The following SPAG16 variants were observed in gnomAD, a reference collection of about 807,000 sequenced individuals.
SPAG16 encodes sperm-associated antigen 16 protein.
A neutral mutation model predicts 80.4 loss-of-function variants in SPAG16; 86 were observed. That is an observed-to-expected ratio of 1.07 (90% CI 0.90 to 1.28). The LOEUF (loss-of-function observed/expected upper bound fraction) is 1.28, where lower values mean the gene tolerates loss of function less well. Among genes scored for constraint, SPAG16 ranks in the 50% most tolerant of loss-of-function variants. The pLI, the probability that SPAG16 is intolerant of heterozygous loss-of-function variation, is 0.00. For missense variants in SPAG16, 870 were observed against 765.3 expected (o/e 1.14, Z -1.61); for synonymous variants, 294 against 265.9 (o/e 1.11, Z -1.03).
chr2:213,711,863 A>G (rs2066007705), intron 10 of SPAG16, among the ~76,000 whole-genome samples: 1 of 152,162 alleles, frequency 6.6e-6, no homozygotes, highest in South Asian at 2.1e-4. Context: ...GTAGACATCT[A>G]ACACTATGTA....
chr2:213,445,608 G>A (rs989052128), intron 9 of SPAG16, among the ~76,000 whole-genome samples: 2 of 152,156 alleles, frequency 1.3e-5, no homozygotes, highest in Non-Finnish European at 2.9e-5. Context: ...GGAGGTTGCG[G>A]TGAGCCAAAA....
chr2:213,950,722 T>C (rs1236499024), intron 12 of SPAG16, among the ~76,000 whole-genome samples: 27 of 131,970 alleles, frequency 2.0e-4, no homozygotes, highest in Non-Finnish European at 3.3e-4. Flanking sequence ...TTTTTTTTTT[T>C]TCCCTCAAGA....
chr2:213,306,152 T>G (rs1483216545), intron 3 of SPAG16, among the ~76,000 whole-genome samples: 1 of 151,902 alleles, frequency 6.6e-6, no homozygotes, highest in African/African-American at 2.4e-5. Context: ...CCTCCAATGA[T>G]CCTTTAAAAT....
intron 15 of SPAG16, among the ~76,000 whole-genome samples, chr2:214,312,146 G>A (rs370075199): frequency 6.6e-6 from 1 of 152,106 alleles, no homozygotes; most frequent in Admixed American, 6.6e-5. Context: ...GAAAATGATC[G>A]TGTTTAATGA....
At chr2:213,935,540 A>G (rs1004612644) in intron 12 of SPAG16, among the ~76,000 whole-genome samples, 1 of 152,196 alleles carries the variant, frequency 6.6e-6, no homozygotes, top group African/African-American at 2.4e-5. Context: ...ATAGCAACAT[A>G]TGCAAGTTAG....
chr2:213,673,320 A>G (rs1054315829), intron 10 of SPAG16, among the ~76,000 whole-genome samples: 2 of 152,192 alleles, frequency 1.3e-5, no homozygotes, highest in Non-Finnish European at 1.5e-5. Flanking sequence ...TTTTTAGGCT[A>G]ATCAAACATA....
At chr2:213,742,676 C>T (rs1489291632) in intron 10 of SPAG16, among the ~76,000 whole-genome samples, 3 of 150,940 alleles carry the variant, frequency 2.0e-5, no homozygotes, top group Non-Finnish European at 4.4e-5. Flanking sequence ...CTCAGCTTCT[C>T]GAGTAGCTGG....
intron 9 of SPAG16, among the ~76,000 whole-genome samples, chr2:213,467,700 G>A (rs1257834702): frequency 6.6e-6 from 1 of 152,186 alleles, no homozygotes; most frequent in Admixed American, 6.5e-5. Flanking sequence ...GCCAGGGAGA[G>A]AAGCCCAAGG....
intron 13 of SPAG16, among the ~76,000 whole-genome samples, chr2:214,091,923 A>T (rs1228223094): frequency 6.6e-6 from 1 of 152,112 alleles, no homozygotes; most frequent in Non-Finnish European, 1.5e-5. Flanking sequence ...AAACATTTCC[A>T]AGAACAACAG....
chr2:213,302,702 C>T (rs868032073), intron 3 of SPAG16: 1 of 150,888 alleles, frequency 6.6e-6, no homozygotes, highest in East Asian at 1.9e-4. Context: ...GGTATATTTA[C>T]AAGCTTATAC....
intron 15 of SPAG16, among the ~76,000 whole-genome samples, chr2:214,259,073 CA>C (rs1163710314): frequency 3.3e-5 from 5 of 151,898 alleles, no homozygotes; most frequent in Admixed American, 1.3e-4. Flanking sequence ...ATATGGGTCA[CA>C]TTTTTTTTCT....
intron 13 of SPAG16, among the ~76,000 whole-genome samples, chr2:214,076,535 G>C (rs867608945): frequency 6.3e-4 from 47 of 74,160 alleles, no homozygotes; most frequent in Non-Finnish European, 9.2e-4. Flanking sequence ...GTGTGTGTGT[G>C]TGTGTGTCTG....
intron 10 of SPAG16, among the ~76,000 whole-genome samples, chr2:213,595,081 T>TA (rs1349260744): frequency 6.6e-6 from 1 of 151,952 alleles, no homozygotes; most frequent in Non-Finnish European, 1.5e-5. Flanking sequence ...TCAATAGGTA[T>TA]ACTAGATAAG....
intron 15 of SPAG16, among the ~76,000 whole-genome samples, chr2:214,379,678 T>C (rs1360864791): frequency 1.3e-5 from 2 of 152,162 alleles, no homozygotes; most frequent in African/African-American, 2.4e-5. Context: ...CAAGAGTAGA[T>C]CAAGTTGCTT....
intron 10 of SPAG16, among the ~76,000 whole-genome samples, chr2:213,559,926 C>T (rs565696764): frequency 6.6e-6 from 1 of 152,114 alleles, no homozygotes; most frequent in East Asian, 1.9e-4. Flanking sequence ...TAGGTATTTT[C>T]TTGCATGTTT....
At chr2:214,295,187 C>A (rs1245462772) in intron 15 of SPAG16, among the ~76,000 whole-genome samples, 1 of 152,170 alleles carries the variant, frequency 6.6e-6, no homozygotes. Flanking sequence ...CATCTTCTGA[C>A]AAGTTTGAAG....
intron 10 of SPAG16, among the ~76,000 whole-genome samples, chr2:213,697,409 T>C (rs1281617722): frequency 6.6e-6 from 1 of 152,164 alleles, no homozygotes; most frequent in Non-Finnish European, 1.5e-5. Flanking sequence ...GCCTGCACAA[T>C]GTGATAGGCT....
intron 15 of SPAG16, among the ~76,000 whole-genome samples, chr2:214,289,715 C>A (rs1197105562): frequency 6.6e-6 from 1 of 151,904 alleles, no homozygotes; most frequent in Non-Finnish European, 1.5e-5. Context: ...TTTTCTTGCT[C>A]TTTTTTGGTT....
At chr2:213,974,399 A>T (rs916494808) in intron 12 of SPAG16, among the ~76,000 whole-genome samples, 1 of 152,200 alleles carries the variant, frequency 6.6e-6, no homozygotes, top group East Asian at 1.9e-4. Context: ...GTCAATAAAT[A>T]AAAGATTTGC....
Sources: allele counts gnomAD v4.1 joint callset (sites outside exome capture counted in the v4.1 genomes callset), GRCh38; gene constraint gnomAD v4.1.1; transcripts MANE v1.5; gene names NCBI Gene and HGNC (gene_info 2026-07-23, HGNC 2026-07-21).